The following PHACTR3 variants were observed in gnomAD, a reference collection of about 807,000 sequenced individuals.
PHACTR3 encodes protein phosphatase 1, regulatory subunit 123.
In PHACTR3, 16 loss-of-function variants were observed where a neutral mutation model predicts 66.8. The ratio of observed to expected loss-of-function variants is 0.24; its 90% CI spans 0.16 to 0.36. The LOEUF (loss-of-function observed/expected upper bound fraction) is 0.36. PHACTR3 is among the 10% of genes least tolerant of loss of function. The probability of loss-of-function intolerance (pLI) is 1.00; values close to 1 mark genes in which losing one functional copy is unlikely to be tolerated. For missense variants in PHACTR3, 647 were observed against 719.9 expected (o/e 0.90, Z 1.16); for synonymous variants, 323 against 292.1 (o/e 1.11, Z -1.08).
At position 59,668,498 on chromosome 20, in the gene PHACTR3, C is replaced by G. The variant is rs185525029; in HGVS notation, c.118+63366C>G. Among the ~76,000 whole-genome samples, 3 of 152,260 alleles carry G rather than the reference C, an allele frequency of 2.0e-5. No homozygotes were observed. The East Asian group carries it at 5.8e-4, about 29-fold the overall frequency. On this transcript the variant is annotated intron_variant, in intron 1 of 12. Transcript: ENST00000371015. ...ACAGTTTGCAGGGGTTGTGCAGATACAGCTCCTTGCTCAGATGTCATTTCA... is the reference window on the plus strand; with the variant it reads ...ACAGTTTGCAGGGGTTGTGCAGATAGAGCTCCTTGCTCAGATGTCATTTCA...
At chr20:59,842,736 T>C (rs1286891378) in intron 11 of PHACTR3, among the ~76,000 whole-genome samples, 2 of 152,216 alleles carry the variant, frequency 1.3e-5, no homozygotes, top group Non-Finnish European at 2.9e-5. Context: ...TTACTCATTA[T>C]CTTGGTGTTC....
chr20:59,705,531 TTA>T (rs1601147657), intron 1 of PHACTR3, among the ~76,000 whole-genome samples: 2 of 152,234 alleles, frequency 1.3e-5, no homozygotes, highest in East Asian at 3.8e-4. Flanking sequence ...TATTTAATAT[TTA>T]TGTTAAATAC....
Position 59,604,794 on chromosome 20 carries a change from C to A in PHACTR3, c.-221C>A. Reference sequence around the variant, plus strand: ...GCGAGGCCGCGCACGCCGGGATGCGCCTGGCTGCAGCCGGCGAGGCTATTG... The same window carrying A: ...GCGAGGCCGCGCACGCCGGGATGCGACTGGCTGCAGCCGGCGAGGCTATTG... On this transcript the variant is annotated 5_prime_UTR_variant, in exon 1 of 13. Coordinates refer to ENST00000371015, the MANE Select transcript of PHACTR3 (RefSeq NM_080672.5). 8.3e-7 allele frequency: 1 copy of A among 1,205,300 alleles called. No homozygotes were observed. Among genetic ancestry groups the A allele is most frequent in the Admixed American group, 4.3e-5 (1 of 23,010 alleles). The allele number at this position is 1,205,300 out of a possible 1,614,324, so 74.7% of individuals were successfully genotyped here. A position where few individuals can be genotyped will look rare whatever the true frequency, so the allele number is the denominator to read the frequency against.
chr20:59,683,713 G>A (rs1477959383), intron 1 of PHACTR3, among the ~76,000 whole-genome samples: 1 of 152,172 alleles, frequency 6.6e-6, no homozygotes, highest in Non-Finnish European at 1.5e-5. Context: ...AGATGCCAGG[G>A]TCGTCATAAT....
intron 1 of PHACTR3, among the ~76,000 whole-genome samples, chr20:59,704,029 A>G (rs188259763): frequency 2.0e-5 from 3 of 152,306 alleles, no homozygotes; most frequent in Admixed American, 1.3e-4. Flanking sequence ...AACCATCTTC[A>G]TTCATTTCTT....
chr20:59,804,855 G>A (rs935189241), intron 7 of PHACTR3, among the ~76,000 whole-genome samples: 2 of 152,080 alleles, frequency 1.3e-5, no homozygotes, highest in African/African-American at 4.8e-5. Flanking sequence ...TTCTATTCCC[G>A]CCTCCACACT....
intron 7 of PHACTR3, among the ~76,000 whole-genome samples, chr20:59,800,447 G>GT (rs538773071): frequency 3.2e-4 from 48 of 152,008 alleles, no homozygotes; most frequent in African/African-American, 1.1e-3. Context: ...GTTGTCTGGG[G>GT]TTTTTTTTCT....
intron 3 of PHACTR3, among the ~76,000 whole-genome samples, chr20:59,751,474 A>G (rs752712821): frequency 2.0e-5 from 3 of 151,968 alleles, no homozygotes; most frequent in Non-Finnish European, 4.4e-5. Context: ...GCATGTATGC[A>G]CACACACATG....
chr20:59,639,610 T>C (rs911150), intron 1 of PHACTR3, among the ~76,000 whole-genome samples: 112,207 of 152,120 alleles, frequency 0.74, 41,495 homozygotes, highest in East Asian at 0.91. Context: ...AGATTATTGG[T>C]ATTGAGTCCC....
chr20:59,826,172 A>G (rs1427883183), intron 8 of PHACTR3, among the ~76,000 whole-genome samples: 17 of 130,186 alleles, frequency 1.3e-4, no homozygotes, highest in Admixed American at 8.1e-5. Flanking sequence ...AGGACAAGGT[A>G]TGGGGAGGAG....
intron 1 of PHACTR3, among the ~76,000 whole-genome samples, chr20:59,679,088 C>T (rs1391614878): frequency 3.3e-5 from 5 of 152,246 alleles, no homozygotes; most frequent in South Asian, 2.1e-4. Flanking sequence ...AGGGGGTGGA[C>T]GATGCCTACA....
In PHACTR3 at chr20:59,814,690, A is replaced by G. The variant is rs535262581; in HGVS notation, c.1328+8496A>G. On this transcript the variant is annotated intron_variant, in intron 8 of 12. Transcript: ENST00000371015. ...AGTTTCACACACTTGGACAGAAGGG[A>G]GTGGTTGTTTTTCACTGACCGCCAG... Among the ~76,000 whole-genome samples the G allele has an allele frequency of 7.9e-5, 12 of 152,016 alleles. No homozygotes were observed. The Middle Eastern group carries it at 0.01, about 129-fold the overall frequency.
Position 59,726,091 on chromosome 20 carries a change from G to A in PHACTR3, c.119-17016G>A, listed in dbSNP as rs536843538. On this transcript the variant is annotated intron_variant, in intron 1 of 12. Coordinates refer to ENST00000371015, the MANE Select transcript of PHACTR3 (RefSeq NM_080672.5). ...CTATAGCAGTGCCTCCAGGGTCGAT[G>A]GCACGAGCCCAGTTGACAATCCCCA... Among the ~76,000 whole-genome samples the A allele has an allele frequency of 2.0e-5, 3 of 152,332 alleles. No homozygotes were observed. In the South Asian group the frequency reaches 6.2e-4, roughly 32 times the overall value.
At chr20:59,691,112 G>A (rs1307291656) in intron 1 of PHACTR3, among the ~76,000 whole-genome samples, 1 of 152,230 alleles carries the variant, frequency 6.6e-6, no homozygotes, top group African/African-American at 2.4e-5. Context: ...TGTTCAGGAG[G>A]TTGGAGGAAC....
intron 11 of PHACTR3, 53 bp from the exon 12 acceptor site, chr20:59,845,136 T>C: frequency 8.8e-7 from 1 of 1,140,444 alleles, no homozygotes; most frequent in South Asian, 1.3e-5. Flanking sequence ...ACGATGCTAA[T>C]TTCCTGATTT....
intron 1 of PHACTR3, among the ~76,000 whole-genome samples, chr20:59,723,279 G>T (rs967425304): frequency 6.6e-6 from 1 of 151,908 alleles, no homozygotes; most frequent in Non-Finnish European, 1.5e-5. Flanking sequence ...TCCATTAAGT[G>T]CTCCCTCCCC....
intron 7 of PHACTR3, 122 bp from the exon 8 acceptor site, chr20:59,805,919 C>G: frequency 9.4e-7 from 1 of 1,067,030 alleles, no homozygotes; most frequent in East Asian, 2.4e-5. Flanking sequence ...GTTCTAGCCA[C>G]CATCACCCTG....
chr20:59,721,754 C>T (rs1048453544), intron 1 of PHACTR3, among the ~76,000 whole-genome samples: 7 of 152,184 alleles, frequency 4.6e-5, no homozygotes, highest in Admixed American at 3.3e-4. Flanking sequence ...ATCCTGAGGG[C>T]GGAGGAACTT....
At chr20:59,769,481 A>G (rs2146877931) in intron 5 of PHACTR3, among the ~76,000 whole-genome samples, 1 of 152,340 alleles carries the variant, frequency 6.6e-6, no homozygotes, top group East Asian at 1.9e-4. Context: ...TCTCCCTCAC[A>G]GCCTCAGAAG....
Sources: gnomAD v4.1 joint callset for allele counts (sites outside exome capture counted in the v4.1 genomes callset) on GRCh38, gnomAD v4.1.1 for gene constraint, MANE v1.5 for transcripts, NCBI Gene and HGNC (gene_info 2026-07-23, HGNC 2026-07-21) for gene names.